The following EZH2 variants were observed in gnomAD, a reference collection of about 807,000 sequenced individuals.
The protein encoded by EZH2 is enhancer of zeste 2 polycomb repressive complex 2 subunit.
In EZH2, 18 loss-of-function variants were observed where a neutral mutation model predicts 98.4. The ratio of observed to expected loss-of-function variants is 0.18; its 90% CI spans 0.13 to 0.27. The LOEUF is 0.27. EZH2 is among the 10% of genes least tolerant of loss of function. The probability of loss-of-function intolerance (pLI) is 1.00; values close to 1 mark genes in which losing one functional copy is unlikely to be tolerated. For synonymous variants in EZH2, 338 were observed against 312.3 expected (o/e 1.08, Z -0.87); for missense variants, 470 against 935.1 (o/e 0.50, Z 6.49).
intron 1 of EZH2, among the ~76,000 whole-genome samples, chr7:148,871,021 G>A (rs1329331293): frequency 6.6e-6 from 1 of 151,948 alleles, no homozygotes; most frequent in Admixed American, 6.6e-5. Context: ...AATGATGCAT[G>A]GTATTGAGTT....
At chr7:148,853,719 T>C (rs1161081552) in intron 1 of EZH2, among the ~76,000 whole-genome samples, 10 of 152,274 alleles carry the variant, frequency 6.6e-5, no homozygotes, top group African/African-American at 1.7e-4. Flanking sequence ...GAAAAAAGTA[T>C]GTACATGTTC....
At chr7:148,809,993 G>A (rs996092923) in intron 17 of EZH2, among the ~76,000 whole-genome samples, 8 of 152,208 alleles carry the variant, frequency 5.3e-5, no homozygotes, top group South Asian at 4.1e-4. Flanking sequence ...CTCCTTCCCC[G>A]CTCAGAGGCA....
rs58553084 is a variant in EZH2, at chr7:148,873,557, A to ATTTTTTTT, written c.-8+10599_-8+10606dup. Among the ~76,000 whole-genome samples, 61 of 79,946 alleles carry ATTTTTTTT rather than the reference A, an allele frequency of 7.6e-4. 1 individual carries two copies. The highest frequency in any genetic ancestry group is 2.3e-3 in the African/African-American group (46 of 19,978). 52.4% of individuals were successfully genotyped at this position (79,946 alleles called of 152,430 possible). A position where few individuals can be genotyped will look rare whatever the true frequency, so the allele number is the denominator to read the frequency against. On this transcript the variant is annotated intron_variant, in intron 1 of 19. Transcript: ENST00000320356. ...TTTGCAGAATCATTTCATGCTCTTC[A>ATTTTTTTT]TTTTTTTTTTTTTTTTTTTTTTTTG...
intron 1 of EZH2, among the ~76,000 whole-genome samples, chr7:148,881,637 T>C (rs1177881686): frequency 6.6e-6 from 1 of 151,996 alleles, no homozygotes; most frequent in African/African-American, 2.4e-5. Flanking sequence ...AAGGGCAAAG[T>C]TAGAAATTTT....
chr7:148,818,634 G>A (rs935224829), intron 9 of EZH2, among the ~76,000 whole-genome samples: 1 of 151,914 alleles, frequency 6.6e-6, no homozygotes, highest in Non-Finnish European at 1.5e-5. Context: ...GTCACTTCCT[G>A]TCTTACTATT....
intron 3 of EZH2, among the ~76,000 whole-genome samples, chr7:148,833,207 C>T (rs904027345): frequency 6.6e-6 from 1 of 152,034 alleles, no homozygotes; most frequent in Non-Finnish European, 1.5e-5. Flanking sequence ...GCCTGTAATC[C>T]CAGCACTTTG....
rs1400588536 is a variant in EZH2, at chr7:148,827,279, A to C, written c.626-13T>G. 6.3e-7 allele frequency: 1 copy of C among 1,587,220 alleles called. No individual in the cohort carries two copies. The highest frequency in any genetic ancestry group is 1.8e-5 in the Admixed American group (1 of 57,032). On this transcript the variant is annotated splice_polypyrimidine_tract_variant and intron_variant, in intron 6 of 19. Transcript: ENST00000320356. ...CGGCTTTCTTTATCTAAACAGGAGAATATGAAAGGAAAAAAAGAATGGAAG... is the reference window on the plus strand; with the variant it reads ...CGGCTTTCTTTATCTAAACAGGAGACTATGAAAGGAAAAAAAGAATGGAAG...
chr7:148,846,050 C>T (rs1173176719), intron 3 of EZH2, among the ~76,000 whole-genome samples: 1 of 152,116 alleles, frequency 6.6e-6, no homozygotes, highest in Non-Finnish European at 1.5e-5. Context: ...AGAGGCTTAG[C>T]CTTTGAACAA....
At chr7:148,832,802 G>T (rs778643528) in intron 3 of EZH2, 52 bp from the exon 4 acceptor site, 3 of 1,168,396 alleles carry the variant, frequency 2.6e-6, no homozygotes, top group African/African-American at 3.1e-5. Flanking sequence ...ACAACCTTAA[G>T]CTGTAGCCAT....
intron 1 of EZH2, among the ~76,000 whole-genome samples, chr7:148,876,771 T>C (rs571566293): frequency 8.3e-4 from 127 of 152,324 alleles, no homozygotes; most frequent in Middle Eastern, 6.8e-3. Context: ...GTAAGTATTT[T>C]AGGCTTGGCA....
rs370302056 is a variant in EZH2 at position 148,829,718 on chromosome 7, T to C, written c.484+10A>G. 192 of 1,607,182 alleles carry C rather than the reference T, an allele frequency of 1.2e-4. No homozygotes were observed. The highest frequency in any genetic ancestry group is 1.5e-4 in the Non-Finnish European group (177 of 1,178,238). On this transcript the variant is annotated intron_variant, in intron 5 of 19. Transcript: ENST00000320356. ...GCCCCTTTTTCCAAGAGAAGAAGCA[T>C]ATGGCTCACCTCTATCCCCGTGTAC... is the stretch of plus-strand genomic sequence containing the variant.
intron 1 of EZH2, among the ~76,000 whole-genome samples, chr7:148,860,530 G>A (rs970482082): frequency 2.0e-5 from 3 of 151,154 alleles, no homozygotes; most frequent in African/African-American, 7.4e-5. Flanking sequence ...AAATAAAAAC[G>A]GTAATTCAAA....
rs1285411705 is a variant in EZH2 at position 148,807,757 on chromosome 7, T to C, written c.2196-51A>G. 16 of 1,243,276 alleles carry C rather than the reference T, an allele frequency of 1.3e-5. No homozygotes were observed. In the South Asian group the frequency reaches 1.6e-4, roughly 12 times the overall value. The allele number at this position is 1,243,276 out of a possible 1,614,324, so 77.0% of individuals were successfully genotyped here. On this transcript the variant is annotated intron_variant, in intron 19 of 19. Transcript: ENST00000320356. ...GCTGGATGGCCACCCATCCAACATG[T>C]GCTGAGACTTAACACAACAAAGCCT...
chr7:148,856,259 T>C (rs1462312115), intron 1 of EZH2, among the ~76,000 whole-genome samples: 3 of 152,124 alleles, frequency 2.0e-5, no homozygotes, highest in African/African-American at 7.2e-5. Flanking sequence ...ACATGTACAC[T>C]AGGGTTAAAC....
At position 148,809,407 on chromosome 7, in the gene EZH2, A is replaced by G; in HGVS notation, c.2030-17T>C. The G allele has an allele frequency of 6.3e-7, 1 of 1,585,572 alleles. No individual in the cohort carries two copies. The highest frequency in any genetic ancestry group is 2.3e-5 in the East Asian group (1 of 44,220). On this transcript the variant is annotated splice_polypyrimidine_tract_variant and intron_variant, in intron 17 of 19. Transcript: ENST00000320356. ...CCACAAAATCTAAAAAGAAAAAAGT[A>G]AGCACAGCCCAGTGAATAATTTCAG...
intron 1 of EZH2, among the ~76,000 whole-genome samples, chr7:148,853,808 G>A (rs1316185642): frequency 2.0e-5 from 3 of 152,166 alleles, no homozygotes; most frequent in African/African-American, 7.2e-5. Flanking sequence ...CCCATTTACA[G>A]AGGGCCAACT....
rs996213468 is a variant in EZH2, at chr7:148,815,491, T to C, written c.1546+15A>G. Reference sequence around the variant, plus strand: ...ATTGTTAAGCTAATAATGAGAGGAATGGAAAGATGCTAACCCTTTTTCAGC... The same window carrying C: ...ATTGTTAAGCTAATAATGAGAGGAACGGAAAGATGCTAACCCTTTTTCAGC... On this transcript the variant is annotated intron_variant, in intron 13 of 19. Transcript: ENST00000320356. The C allele has an allele frequency of 6.2e-7, 1 of 1,610,552 alleles. No homozygotes were observed. Among genetic ancestry groups the C allele is most frequent in the Non-Finnish European group, 8.5e-7 (1 of 1,176,668 alleles).
chr7:148,859,480 G>A (rs1817347223), intron 1 of EZH2, among the ~76,000 whole-genome samples: 2 of 150,602 alleles, frequency 1.3e-5, no homozygotes, highest in South Asian at 2.1e-4. Context: ...ACCAGCCTGG[G>A]CAACAGAGCA....
intron 3 of EZH2, among the ~76,000 whole-genome samples, chr7:148,839,843 A>G (rs923711036): frequency 6.6e-6 from 1 of 152,152 alleles, no homozygotes; most frequent in Non-Finnish European, 1.5e-5. Context: ...CACTGCACCC[A>G]GCCAAAACTA....
Sources: gnomAD v4.1 joint callset for allele counts (sites outside exome capture counted in the v4.1 genomes callset) on GRCh38, gnomAD v4.1.1 for gene constraint, MANE v1.5 for transcripts, NCBI Gene and HGNC (gene_info 2026-07-23, HGNC 2026-07-21) for gene names.